The following DLGAP1 variants were observed in gnomAD, a reference collection of about 807,000 sequenced individuals.
DLGAP1 encodes disks large-associated protein 1.
A neutral mutation model predicts 90.8 loss-of-function variants in DLGAP1; 11 were observed. That is an observed-to-expected ratio of 0.12 (90% CI 0.08 to 0.20). The LOEUF is 0.20. Among genes scored for constraint, DLGAP1 ranks in the 10% least tolerant of loss-of-function variants. The pLI is 1.00. For synonymous variants in DLGAP1, 558 were observed against 540.7 expected, an observed-to-expected ratio of 1.03 and a Z score of -0.44; for missense variants, 1,050 against 1,333.8, an observed-to-expected ratio of 0.79 and a Z score of 3.31.
At chr18:3,626,529 G>C (rs1364267433) in intron 7 of DLGAP1, among the ~76,000 whole-genome samples, 3 of 149,124 alleles carry the variant, frequency 2.0e-5, no homozygotes, top group Non-Finnish European at 4.4e-5. Flanking sequence ...GGGGGGTCAA[G>C]GCTTCAGTGA....
intron 5 of DLGAP1, among the ~76,000 whole-genome samples, chr18:3,743,339 T>A (rs1281803262): frequency 2.0e-5 from 3 of 151,990 alleles, no homozygotes; most frequent in African/African-American, 7.2e-5. Context: ...ATGTTAGTTA[T>A]TTTATTTAAT....
intron 9 of DLGAP1, among the ~76,000 whole-genome samples, chr18:3,536,226 T>C: frequency 9.7e-6 from 1 of 102,654 alleles, no homozygotes; most frequent in East Asian, 2.8e-4. Context: ...TTTCTTTCTT[T>C]TTTTTTTTTT....
At position 3,499,351 on chromosome 18, in the gene DLGAP1, C is replaced by T; in HGVS notation, c.2768G>A (p.Gly923Asp). 1 of 1,553,902 alleles carries T rather than the reference C, an allele frequency of 6.4e-7. No individual in the cohort carries two copies. Among genetic ancestry groups the T allele is most frequent in the Non-Finnish European group, 8.7e-7 (1 of 1,149,512 alleles). Residue 923 changes from glycine to aspartate, a missense_variant, in exon 13 of 13, where the codon GGC (glycine) becomes GAC (aspartate). Coordinates refer to ENST00000315677, the MANE Select transcript of DLGAP1 (RefSeq NM_004746.4). The surrounding 1 kb of genome is among the most constrained non-coding windows in gnomAD (Gnocchi z 6.4). ...GCGCTCCCGGATCAGCGGCGCGGGG[C>T]CCTTCGCCGGCTTCTTTGGCACTGG... ...PPPVPKKPAK[G>D]PAPLIRERSL...
In DLGAP1 at chr18:4,198,861, T is replaced by C. The variant is rs138127808; in HGVS notation, c.-266-47574A>G. On this transcript the variant is annotated intron_variant, in intron 1 of 12. Transcript: ENST00000315677. ...CACTATAATCCTTTTAACAATGTCA[T>C]TCTTATTAACTTGCATTGCAGTGGG... 5.4e-3 allele frequency among the ~76,000 whole-genome samples: 818 copies of C among 152,322 alleles called. 4 individuals are homozygous for C. The highest frequency in any genetic ancestry group is 8.1e-3 in the Non-Finnish European group (549 of 68,024).
intron 3 of DLGAP1, among the ~76,000 whole-genome samples, chr18:3,891,193 C>T (rs1392089886): frequency 1.3e-5 from 2 of 152,188 alleles, no homozygotes; most frequent in Admixed American, 6.5e-5. Context: ...TTCCTCAGCT[C>T]TGCCCTCTTC....
chr18:4,298,217 G>A (rs116883529), intron 1 of DLGAP1, among the ~76,000 whole-genome samples: 3,528 of 152,192 alleles, frequency 0.023, 48 homozygotes, highest in Non-Finnish European at 0.036. Context: ...CTAGATGCGA[G>A]GTTTGCATCC....
chr18:4,439,163 C>G (rs1007474313), intron 1 of DLGAP1, among the ~76,000 whole-genome samples: 2 of 152,190 alleles, frequency 1.3e-5, no homozygotes, highest in African/African-American at 4.8e-5. Context: ...CTGCTGCCCC[C>G]CTGGGTTTAA....
intron 7 of DLGAP1, among the ~76,000 whole-genome samples, chr18:3,696,922 T>TG (rs2061113609): frequency 6.6e-6 from 1 of 152,218 alleles, no homozygotes; most frequent in South Asian, 2.1e-4. Context: ...GGTTTAGTCT[T>TG]GGGAGGATGT....
At chr18:3,761,772 C>T (rs2063977272) in intron 5 of DLGAP1, among the ~76,000 whole-genome samples, 1 of 152,082 alleles carries the variant, frequency 6.6e-6, no homozygotes, top group South Asian at 2.1e-4. Context: ...GACGGGGTTT[C>T]ACCATGTTGG....
intron 1 of DLGAP1, among the ~76,000 whole-genome samples, chr18:4,440,436 A>T (rs2083507277): frequency 6.6e-6 from 1 of 152,162 alleles, no homozygotes; most frequent in Non-Finnish European, 1.5e-5. Context: ...ACAGTGGTTA[A>T]ACCTTTGGCC....
At chr18:4,274,035 T>G (rs1181491063) in intron 1 of DLGAP1, among the ~76,000 whole-genome samples, 1 of 152,070 alleles carries the variant, frequency 6.6e-6, no homozygotes, top group Non-Finnish European at 1.5e-5. Context: ...CAAATCTTTA[T>G]TATTTGTTTT....
intron 2 of DLGAP1, among the ~76,000 whole-genome samples, chr18:4,057,719 C>T (rs985103403): frequency 2.0e-5 from 3 of 152,152 alleles, no homozygotes; most frequent in South Asian, 2.1e-4. Flanking sequence ...ATTCTTTATT[C>T]GGAGGAGGCA....
At chr18:4,229,510 A>C (rs1043298631) in intron 1 of DLGAP1, among the ~76,000 whole-genome samples, 1 of 152,092 alleles carries the variant, frequency 6.6e-6, no homozygotes, top group Non-Finnish European at 1.5e-5. Context: ...TAGAGGACCT[A>C]GAAACAAATT....
chr18:3,586,790 C>T (rs1324610051), intron 7 of DLGAP1, among the ~76,000 whole-genome samples: 1 of 152,124 alleles, frequency 6.6e-6, no homozygotes, highest in Non-Finnish European at 1.5e-5. Flanking sequence ...GCCCTAAACC[C>T]ACACTTCTCT....
intron 2 of DLGAP1, among the ~76,000 whole-genome samples, chr18:4,067,097 C>T (rs1360111918): frequency 1.1e-4 from 17 of 152,022 alleles, no homozygotes. Flanking sequence ...ATACCACATG[C>T]TCTCACTTAT....
At chr18:3,500,561 GCTGT>G (rs2049877257) in intron 12 of DLGAP1, among the ~76,000 whole-genome samples, 1 of 152,124 alleles carries the variant, frequency 6.6e-6, no homozygotes, top group African/African-American at 2.4e-5. Context: ...TACCCCACCG[GCTGT>G]CTAAGGTGGA....
chr18:3,672,000 A>G lies in DLGAP1; in HGVS notation c.1591+57135T>C, dbSNP rs537274455. Among the ~76,000 whole-genome samples the G allele has an allele frequency of 3.3e-4, 50 of 152,262 alleles. 2 individuals carry two copies. The South Asian group carries it at 9.8e-3, about 30-fold the overall frequency. ...GTATATTTCGTGTTTTTTTCTTTAC[A>G]ATTTTCTGCAATGAGATATTTGTTC... On this transcript the variant is annotated intron_variant, in intron 7 of 12. Coordinates refer to ENST00000315677, the MANE Select transcript of DLGAP1 (RefSeq NM_004746.4).
intron 1 of DLGAP1, among the ~76,000 whole-genome samples, chr18:4,236,901 C>T (rs754642132): frequency 7.2e-5 from 11 of 152,120 alleles, no homozygotes; most frequent in African/African-American, 2.2e-4. Context: ...AGATGTGCTT[C>T]GTGGCACAAT....
intron 4 of DLGAP1, among the ~76,000 whole-genome samples, chr18:3,818,290 A>G (rs1247917105): frequency 6.6e-6 from 1 of 151,224 alleles, no homozygotes; most frequent in Non-Finnish European, 1.5e-5. Context: ...TTGACTAAGA[A>G]ATGGCCATAA....
Sources: gnomAD v4.1 joint callset for allele counts (sites outside exome capture counted in the v4.1 genomes callset) on GRCh38, gnomAD v4.1.1 for gene constraint, Gnocchi (gnomAD v3.1) non-coding constraint, MANE v1.5 for transcripts, NCBI Gene and HGNC (gene_info 2026-07-23, HGNC 2026-07-21) for gene names.